COL19A1: variants seen among roughly 807,000 people sequenced by gnomAD.
The protein encoded by COL19A1 is collagen type XIX alpha 1 chain, also known as collagen alpha-1(XIX) chain.
Under a neutral mutation model 190.2 loss-of-function variants are expected in COL19A1, and 159 were observed. The observed-to-expected ratio is 0.84, with a 90% CI of 0.73 to 0.95. The LOEUF is 0.95. Ranked by LOEUF, COL19A1 falls within the 40% of genes least tolerant of loss-of-function variation. COL19A1 has a pLI of 0.00. For synonymous variants in COL19A1, 509 were observed against 458.9 expected, an observed-to-expected ratio of 1.11 and a Z score of -1.39; for missense variants, 1,418 against 1,431.9, an observed-to-expected ratio of 0.99 and a Z score of 0.16.
intron 2 of COL19A1, among the ~76,000 whole-genome samples, chr6:69,881,844 A>T (rs533548131): frequency 6.6e-6 from 1 of 152,342 alleles, no homozygotes; most frequent in East Asian, 1.9e-4. Flanking sequence ...GCATTAATTG[A>T]AAATGTCAGC....
intron 14 of COL19A1, chr6:70,059,913 A>G (rs1191022094): frequency 3.0e-6 from 1 of 335,834 alleles, no homozygotes; most frequent in African/African-American, 2.2e-5. Context: ...TCATCAGCAA[A>G]TTAAATTGAA....
intron 14 of COL19A1, among the ~76,000 whole-genome samples, chr6:70,063,515 C>T (rs531962380): frequency 1.3e-4 from 19 of 151,910 alleles, no homozygotes; most frequent in East Asian, 9.7e-4. Context: ...ACTAAATGCC[C>T]ACAAGAGAAA....
chr6:70,070,353 T>C (rs984284436), intron 15 of COL19A1, among the ~76,000 whole-genome samples: 1 of 152,164 alleles, frequency 6.6e-6, no homozygotes, highest in African/African-American at 2.4e-5. Flanking sequence ...ATTTACTCCA[T>C]TTATAAATGC....
At chr6:69,875,207 C>T (rs1478124562) in intron 1 of COL19A1, among the ~76,000 whole-genome samples, 1 of 152,142 alleles carries the variant, frequency 6.6e-6, no homozygotes, top group South Asian at 2.1e-4. Flanking sequence ...AAATAACATA[C>T]ACAAAAACCT....
chr6:70,075,136 G>T (rs1781808562), intron 15 of COL19A1, among the ~76,000 whole-genome samples: 1 of 152,086 alleles, frequency 6.6e-6, no homozygotes, highest in South Asian at 2.1e-4. Flanking sequence ...TCTCCATGAG[G>T]ATTATCTTGG....
intron 12 of COL19A1, among the ~76,000 whole-genome samples, chr6:70,030,405 G>A (rs1778990907): frequency 6.6e-6 from 1 of 152,104 alleles, no homozygotes; most frequent in Non-Finnish European, 1.5e-5. Flanking sequence ...CTCAATGTGA[G>A]AACTAAGACG....
intron 47 of COL19A1, among the ~76,000 whole-genome samples, chr6:70,190,051 T>C (rs990652316): frequency 6.6e-6 from 1 of 152,206 alleles, no homozygotes; most frequent in Non-Finnish European, 1.5e-5. Context: ...AAGCCATGTG[T>C]CTCCATTTAA....
At chr6:69,928,674 A>G (rs367938654) in intron 5 of COL19A1, among the ~76,000 whole-genome samples, 9 of 152,256 alleles carry the variant, frequency 5.9e-5, no homozygotes, top group African/African-American at 2.2e-4. Flanking sequence ...AGGGCAGCTC[A>G]TCGGAATTGG....
chr6:70,136,166 A>G (rs957506033), intron 18 of COL19A1, among the ~76,000 whole-genome samples: 1 of 152,210 alleles, frequency 6.6e-6, no homozygotes, highest in Admixed American at 6.5e-5. Context: ...TAATACAAAC[A>G]TGATCTTGTC....
At chr6:70,166,125 T>C (rs2150265743) in intron 37 of COL19A1, 140 bp downstream of exon 37, 11 of 772,022 alleles carry the variant, frequency 1.4e-5, no homozygotes, top group South Asian at 1.4e-4. Context: ...ATAGCCAATG[T>C]AGCTTTAAAG....
chr6:69,934,444 A>G (rs960855879), intron 7 of COL19A1, among the ~76,000 whole-genome samples: 3 of 151,932 alleles, frequency 2.0e-5, no homozygotes, highest in African/African-American at 7.2e-5. Flanking sequence ...ATATAATGAT[A>G]TTTTGATATA....
At chr6:70,176,486 T>G in intron 41 of COL19A1, 34 bp from the exon 42 acceptor site, 1 of 1,604,630 alleles carries the variant, frequency 6.2e-7, no homozygotes, top group Non-Finnish European at 8.5e-7. Flanking sequence ...TTCATTGATG[T>G]CATTAAAGTA....
chr6:70,157,156 G>A (rs898149660), intron 34 of COL19A1, among the ~76,000 whole-genome samples: 3 of 152,014 alleles, frequency 2.0e-5, no homozygotes, highest in African/African-American at 7.2e-5. Flanking sequence ...ACTAAACTCT[G>A]ATTAAACTTC....
chr6:69,924,513 G>T (rs149078124), intron 4 of COL19A1, among the ~76,000 whole-genome samples: 4 of 152,066 alleles, frequency 2.6e-5, no homozygotes, highest in African/African-American at 9.7e-5. Context: ...TGATGGACAC[G>T]TGGGTTGGTT....
At chr6:70,179,320 C>T (rs1029750339) in intron 42 of COL19A1, among the ~76,000 whole-genome samples, 3 of 152,178 alleles carry the variant, frequency 2.0e-5, no homozygotes, top group African/African-American at 4.8e-5. Context: ...CTACATCCCA[C>T]GTCGTCTATC....
chr6:70,138,977 TCTAG>T (rs1202730028), intron 19 of COL19A1, among the ~76,000 whole-genome samples: 1 of 152,090 alleles, frequency 6.6e-6, no homozygotes, highest in Non-Finnish European at 1.5e-5. Context: ...TAGCTGCTTC[TCTAG>T]GTCTCCACTG....
intron 17 of COL19A1, among the ~76,000 whole-genome samples, chr6:70,128,192 T>C (rs1013230420): frequency 1.3e-5 from 2 of 152,212 alleles, no homozygotes; most frequent in Admixed American, 6.5e-5. Context: ...GAAAATTAGA[T>C]ATATGGGTCT....
At chr6:69,980,654 A>G (rs1019414203) in intron 11 of COL19A1, among the ~76,000 whole-genome samples, 1 of 152,224 alleles carries the variant, frequency 6.6e-6, no homozygotes, top group African/African-American at 2.4e-5. Flanking sequence ...TGTACGTTCC[A>G]AAGAGTTTTT....
intron 20 of COL19A1, 82 bp downstream of exon 20, chr6:70,141,071 G>C (rs1786221361): frequency 8.0e-7 from 1 of 1,249,708 alleles, no homozygotes; most frequent in Non-Finnish European, 1.1e-6. Context: ...GTTTACTTTG[G>C]AGTCTAATAG....
Sources: allele counts gnomAD v4.1 joint callset (sites outside exome capture counted in the v4.1 genomes callset), GRCh38; gene constraint gnomAD v4.1.1; transcripts MANE v1.5; gene names NCBI Gene and HGNC (gene_info 2026-07-23, HGNC 2026-07-21).